The following EXTL1 variants were observed in gnomAD, a reference collection of about 807,000 sequenced individuals.
EXTL1 encodes the protein exostosin like glycosyltransferase 1, also known as exostosin-like 1.
EXTL1 carries 43 observed loss-of-function variants against 64.6 expected under a neutral mutation model. The ratio of observed to expected loss-of-function variants is 0.67; its 90% CI spans 0.52 to 0.86. The LOEUF (loss-of-function observed/expected upper bound fraction) is 0.86, where lower values mean the gene tolerates loss of function less well. Among genes scored for constraint, EXTL1 ranks in the 40% least tolerant of loss-of-function variants. The pLI is 0.00. For missense variants in EXTL1, 766 were observed against 879.0 expected (o/e 0.87, Z 1.62); for synonymous variants, 352 against 360.5 (o/e 0.98, Z 0.27).
chr1:26,024,396 T>C (rs1399478544), intron 1 of EXTL1, among the ~76,000 whole-genome samples: 1 of 152,084 alleles, frequency 6.6e-6, no homozygotes, highest in Admixed American at 6.5e-5. Context: ...TATCCTCCTT[T>C]TGCTCCTCCC....
At position 26,035,048 on chromosome 1, in the gene EXTL1, G is replaced by A; in HGVS notation, c.1848+44G>A. 1 of 1,607,888 alleles carries A rather than the reference G, an allele frequency of 6.2e-7. No homozygotes were observed. The highest frequency in any genetic ancestry group is 1.1e-5 in the South Asian group (1 of 90,740). On this transcript the variant is annotated intron_variant, in intron 10 of 10. Transcript: ENST00000374280. The surrounding 1 kb of genome is among the most constrained non-coding windows in gnomAD (Gnocchi z 5.3). ...TGGTCGGAACTGGCAGGGATTGGGC[G>A]GGGATGCCGGAGAGGATTCCCTCTC...
intron 1 of EXTL1, among the ~76,000 whole-genome samples, chr1:26,027,689 T>TAAAAAAAAAAAAAAAAAAA (rs61364586): frequency 1.6e-3 from 92 of 56,982 alleles, no homozygotes; most frequent in Non-Finnish European, 2.3e-3. Context: ...ACCCCATCTC[T>TAAAAAAAAAAAAAAAAAAA]AAAAAAAAAA....
chr1:26,029,416 G>T, intron 2 of EXTL1, 130 bp downstream of exon 2: 1 of 792,066 alleles, frequency 1.3e-6, no homozygotes. Context: ...ACTCAGGCAT[G>T]CCTGTGTCCC....
rs1170264948 is a variant in EXTL1 at position 26,022,410 on chromosome 1, AG to A, written c.-231del. 14 of 492,432 alleles carry A rather than the reference AG, an allele frequency of 2.8e-5. No homozygotes were observed. The highest frequency in any genetic ancestry group is 7.3e-5 in the South Asian group (2 of 27,370). The allele number at this position is 492,432 out of a possible 1,614,324, so 30.5% of individuals were successfully genotyped here. On this transcript the variant is annotated 5_prime_UTR_variant, in exon 1 of 11. An upstream open reading frame in the 5' UTR loses its in-frame stop. Transcript: ENST00000374280. ...GCCGAGAAGGCAGAGTCCTGAGAGC[AG>A]GGGGGCCAGGCCAGCAAGCTGGGTC...
At chr1:26,030,353 G>GTT in intron 3 of EXTL1, 123 bp from the exon 4 acceptor site, 1 of 402,820 alleles carries the variant, frequency 2.5e-6, no homozygotes, top group Non-Finnish European at 4.1e-6. Flanking sequence ...TTTTTTTTGA[G>GTT]ATAGGATCTT....
rs1196230699 is a variant in EXTL1, at chr1:26,029,668, C to G, written c.942C>G (p.Thr314=). 1.2e-6 allele frequency: 2 copies of G among 1,612,476 alleles called. No homozygotes were observed. Among genetic ancestry groups the G allele is most frequent in the East Asian group, 2.2e-5 (1 of 44,870 alleles). ...ELPFSEVIDW[T]KAAIVADERL... Reference sequence around the variant, plus strand: ...CCTTCTCCGAGGTCATCGACTGGACCAAGGCAGCCATCGTAGCTGATGAGA... The same window carrying G: ...CCTTCTCCGAGGTCATCGACTGGACGAAGGCAGCCATCGTAGCTGATGAGA... The change falls in exon 3 of 11, where the codon ACC becomes ACG. Residue 314 remains threonine, a synonymous_variant. Coordinates refer to ENST00000374280, the MANE Select transcript of EXTL1 (RefSeq NM_004455.3).
Position 26,032,461 on chromosome 1 carries a change from G to GACAGTC in EXTL1, c.1409_1414dup (p.Thr470_Val471dup). 1 of 1,552,502 alleles carries GACAGTC rather than the reference G, an allele frequency of 6.4e-7. No individual in the cohort carries two copies. The highest frequency in any genetic ancestry group is 8.7e-7 in the Non-Finnish European group (1 of 1,147,482). On this transcript the variant is annotated inframe_insertion, in exon 7 of 11. Transcript: ENST00000374280. ...GGTGGCCGGAGACAGCTGTGCCCTTGACAGTCATTGATGGGCACAGGAAGG... is the reference window on the plus strand; with the variant it reads ...GGTGGCCGGAGACAGCTGTGCCCTTGACAGTCACAGTCATTGATGGGCACAGGAAGG...
chr1:26,029,696 C>A lies in EXTL1; in HGVS notation c.970C>A (p.Leu324Ile). ...GGCAGCCATCGTAGCTGATGAGAGG[C>A]TCCCACTTCAGGTAGCTCAGAGCCC... Reference protein sequence around the residue: ...TKAAIVADERLPLQVLAALQE... With the variant: ...TKAAIVADERIPLQVLAALQE... Residue 324 changes from leucine (L) to isoleucine (I), a missense_variant, in exon 3 of 11, where the codon CTC becomes ATC. By Grantham distance (5) the Leu-to-Ile change is conservative. This residue lies in a region of EXTL1 where 571 missense variants were observed against 647.6 expected (regional missense o/e 0.88). Transcript: ENST00000374280. 6.2e-7 allele frequency: 1 copy of A among 1,608,964 alleles called. No individual in the cohort carries two copies. The highest frequency in any genetic ancestry group is 8.5e-7 in the Non-Finnish European group (1 of 1,176,808).
rs1166096851 is a variant in EXTL1, at chr1:26,034,738, G to A, written c.1680-98G>A. 3 of 1,256,764 alleles carry A rather than the reference G, an allele frequency of 2.4e-6. No homozygotes were observed. In the Admixed American group the frequency reaches 5.9e-5, roughly 25 times the overall value. The allele number at this position is 1,256,764 out of a possible 1,614,324, so 77.9% of individuals were successfully genotyped here. On this transcript the variant is annotated intron_variant, in intron 9 of 10. Transcript: ENST00000374280. The surrounding 1 kb of genome is among the most constrained non-coding windows in gnomAD (Gnocchi z 4.6). Reference sequence around the variant, plus strand: ...GGCAGCCAGGGCTCAGAGGCTTGGGGATGGGGGTCAAAGGGAGAGGTGAGG... The same window carrying A: ...GGCAGCCAGGGCTCAGAGGCTTGGGAATGGGGGTCAAAGGGAGAGGTGAGG...
chr1:26,031,770 C>A (rs2050290195), intron 6 of EXTL1, among the ~76,000 whole-genome samples: 1 of 152,246 alleles, frequency 6.6e-6, no homozygotes, highest in Non-Finnish European at 1.5e-5. Context: ...ACGTGAAAAG[C>A]AGATGTCTCT....
intron 2 of EXTL1, 124 bp downstream of exon 2, chr1:26,029,410 A>G: frequency 1.2e-6 from 1 of 819,066 alleles, no homozygotes; most frequent in Non-Finnish European, 2.1e-6. Context: ...TCCTGGACTC[A>G]GGCATGCCTG....
rs753568086 is a variant in EXTL1 at position 26,035,221 on chromosome 1, C to T, written c.1905C>T (p.Ile635=). 1.2e-6 allele frequency: 2 copies of T among 1,613,386 alleles called. No homozygotes were observed. The highest frequency in any genetic ancestry group is 3.3e-5 in the Admixed American group (2 of 60,004). The change falls in exon 11 of 11, where the codon ATC becomes ATT. Residue 635 remains isoleucine, a synonymous_variant. Coordinates refer to ENST00000374280, the MANE Select transcript of EXTL1 (RefSeq NM_004455.3). The surrounding 1 kb of genome is among the most constrained non-coding windows in gnomAD (Gnocchi z 5.3). ...CGCCTGCCCCAGCCCCCGACTGCAT[C>T]AACCAGATAGCGGCAGCGTTCGGCC... ...PKPPAPAPDC[I]NQIAAAFGHM...
chr1:26,030,395 C>T (rs972978111), intron 3 of EXTL1, 81 bp from the exon 4 acceptor site: 19 of 1,224,842 alleles, frequency 1.6e-5, no homozygotes, highest in African/African-American at 4.6e-5. Flanking sequence ...TGCAGTGGCA[C>T]GAATATGGCT....
Position 26,034,436 on chromosome 1 carries a change from G to A in EXTL1, c.1680-400G>A, listed in dbSNP as rs374022219. Among the ~76,000 whole-genome samples the A allele has an allele frequency of 4.6e-5, 7 of 152,220 alleles. No individual in the cohort carries two copies. The highest frequency in any genetic ancestry group is 1.4e-4 in the African/African-American group (6 of 41,448). On this transcript the variant is annotated intron_variant, in intron 9 of 10. Coordinates refer to ENST00000374280, the MANE Select transcript of EXTL1 (RefSeq NM_004455.3). This position sits in a 1 kb window ranked among gnomAD's most constrained non-coding sequence, Gnocchi z 4.6. The stretch of plus-strand genomic sequence containing the variant: ...GAATTACCTAATGTCTGCGAGATGA[G>A]GCTGGCCTGTCTGAGGGCCGTGTGA...
In EXTL1 at chr1:26,035,271, T is replaced by C; in HGVS notation, c.1955T>C (p.Leu652Pro). 2 of 1,613,656 alleles carry C rather than the reference T, an allele frequency of 1.2e-6. No individual in the cohort carries two copies. Among genetic ancestry groups the C allele is most frequent in the Non-Finnish European group, 1.7e-6 (2 of 1,179,926 alleles). The change falls in exon 11 of 11, where the codon CTG (leucine) becomes CCG (proline). Residue 652 changes from leucine to proline, a missense_variant. Coordinates refer to ENST00000374280, the MANE Select transcript of EXTL1 (RefSeq NM_004455.3). This position sits in a 1 kb window ranked among gnomAD's most constrained non-coding sequence, Gnocchi z 5.3. ...FGHMPLLSSR[L>P]RLDPVLFKDP... ...CACATGCCCTTGCTGTCCTCTCGTC[T>C]GCGTCTGGACCCGGTGCTGTTTAAG...
chr1:26,022,925 C>G lies in EXTL1; in HGVS notation c.279C>G (p.Gly93=). The G allele has an allele frequency of 6.2e-7, 1 of 1,614,096 alleles. No individual in the cohort carries two copies. The highest frequency in any genetic ancestry group is 8.5e-7 in the Non-Finnish European group (1 of 1,180,018). ...GCTTTGATACCTCAAAGTGCAGGGG[C>G]GATGGCCTTAAGGTATTCGTGTACC... ...ESCFDTSKCR[G]DGLKVFVYPA... is the part of the protein sequence containing the mutation. Residue 93 remains glycine, a synonymous_variant, in exon 1 of 11, where the codon GGC becomes GGG. Transcript: ENST00000374280.
intron 2 of EXTL1, 40 bp downstream of exon 2, chr1:26,029,326 C>T (rs1480872933): frequency 5.2e-6 from 8 of 1,524,490 alleles, no homozygotes; most frequent in Middle Eastern, 1.7e-4. Context: ...CTCTGTCCCC[C>T]AGCACTCATG....
chr1:26,032,647 C>T (rs1263899760), intron 7 of EXTL1, among the ~76,000 whole-genome samples, 162 bp downstream of exon 7: 1 of 152,224 alleles, frequency 6.6e-6, no homozygotes, highest in African/African-American at 2.4e-5. Context: ...ATTCTTTTCC[C>T]TCCCTGGTCC....
At chr1:26,026,242 C>CA (rs60657422) in intron 1 of EXTL1, among the ~76,000 whole-genome samples, 26,958 of 84,244 alleles carry the variant, frequency 0.32, 3,203 homozygotes, top group African/African-American at 0.41. Flanking sequence ...GACTCTGTTT[C>CA]AAAAAAAAAA....
Sources: allele counts gnomAD v4.1 joint callset (sites outside exome capture counted in the v4.1 genomes callset), GRCh38; gene constraint gnomAD v4.1.1; regional missense constraint gnomAD v4.1.1; non-coding constraint Gnocchi (gnomAD v3.1); transcripts MANE v1.5; gene names NCBI Gene and HGNC (gene_info 2026-07-23, HGNC 2026-07-21).